The following GPR137C variants were observed in gnomAD, a reference collection of about 807,000 sequenced individuals.
The protein encoded by GPR137C is integral membrane protein GPR137C.
In GPR137C, 27 loss-of-function variants were observed where a neutral mutation model predicts 43.4. The observed-to-expected ratio is 0.62, with a 90% CI of 0.46 to 0.86. The LOEUF is 0.86. GPR137C is among the 40% of genes least tolerant of loss of function. The pLI, the probability that GPR137C is intolerant of heterozygous loss-of-function variation, is 0.00. For missense variants in GPR137C, 522 were observed against 534.6 expected, an observed-to-expected ratio of 0.98 and a Z score of 0.23; for synonymous variants, 285 against 226.9, an observed-to-expected ratio of 1.26 and a Z score of -2.30.
chr14:52,628,688 C>T (rs1372499103), intron 3 of GPR137C, among the ~76,000 whole-genome samples: 3 of 151,934 alleles, frequency 2.0e-5, no homozygotes, highest in African/African-American at 7.3e-5. Flanking sequence ...CCCAGCTACT[C>T]GGGAGGCTGA....
rs183945028 is a variant in GPR137C, at chr14:52,606,352, C to A, written c.717+6011C>A. 3.2e-4 allele frequency among the ~76,000 whole-genome samples: 49 copies of A among 152,112 alleles called. 1 individual carries two copies. Among genetic ancestry groups the A allele is most frequent in the African/African-American group, 1.1e-3 (47 of 41,526 alleles). On this transcript the variant is annotated intron_variant, in intron 3 of 6. Transcript: ENST00000321662. ...AGTTCGTAATAGTCTCTAATGATTT[C>A]TTGTATTTCTGTGGTATCTGTTATA...
chr14:52,577,331 A>G (rs1311679594), intron 1 of GPR137C, among the ~76,000 whole-genome samples: 1 of 152,044 alleles, frequency 6.6e-6, no homozygotes. Flanking sequence ...TCTGGGATAC[A>G]GCAAAAGCAG....
At chr14:52,603,230 A>C (rs1226788802) in intron 3 of GPR137C, among the ~76,000 whole-genome samples, 1 of 152,196 alleles carries the variant, frequency 6.6e-6, no homozygotes, top group Non-Finnish European at 1.5e-5. Context: ...TATTTCACTT[A>C]ACATAATGAA....
chr14:52,572,145 C>G (rs2038480712), intron 1 of GPR137C, among the ~76,000 whole-genome samples: 1 of 152,184 alleles, frequency 6.6e-6, no homozygotes, highest in Non-Finnish European at 1.5e-5. Flanking sequence ...CAGACGGATT[C>G]ACAGCCAAAC....
chr14:52,594,779 A>T (rs953833701), intron 1 of GPR137C, among the ~76,000 whole-genome samples: 1 of 152,086 alleles, frequency 6.6e-6, no homozygotes. Flanking sequence ...CCAGTTTGCC[A>T]GTCTGTGTCT....
chr14:52,599,201 G>A lies in GPR137C; in HGVS notation c.488+886G>A, dbSNP rs1439025962. Among the ~76,000 whole-genome samples, 3 of 152,126 alleles carry A rather than the reference G, an allele frequency of 2.0e-5. No homozygotes were observed. The East Asian group carries it at 5.8e-4, about 29-fold the overall frequency. ...TTAACTGAAGAGTTCTTATGAGGTA[G>A]CCTAAATTTTCTTAGGGGGAAGAGA... is the stretch of plus-strand genomic sequence containing the variant. On this transcript the variant is annotated intron_variant, in intron 2 of 6. Coordinates refer to ENST00000321662, the MANE Select transcript of GPR137C (RefSeq NM_001099652.2).
rs753852584 is a variant in GPR137C, at chr14:52,634,990, A to G, written c.1165A>G (p.Ser389Gly). The G allele has an allele frequency of 6.2e-7, 1 of 1,612,664 alleles. No homozygotes were observed. Among genetic ancestry groups the G allele is most frequent in the East Asian group, 2.2e-5 (1 of 44,854 alleles). The change falls in exon 7 of 7, where the codon AGC becomes GGC. Residue 389 changes from serine (S) to glycine (G), a missense_variant. Coordinates refer to ENST00000321662, the MANE Select transcript of GPR137C (RefSeq NM_001099652.2). ...GTATGGCACCATGACTGGGTGTGGC[A>G]GCAGCAGTTACACAGTCACTCCCCA... ...GWYGTMTGCG[S>G]SSYTVTPHLN...
chr14:52,566,670 T>C (rs1421317177), intron 1 of GPR137C, among the ~76,000 whole-genome samples: 1 of 152,268 alleles, frequency 6.6e-6, no homozygotes, highest in Non-Finnish European at 1.5e-5. Context: ...GAAAAAGTGA[T>C]ATGATTACCT....
chr14:52,583,108 C>G (rs1369390926), intron 1 of GPR137C, among the ~76,000 whole-genome samples: 1 of 151,864 alleles, frequency 6.6e-6, no homozygotes, highest in Non-Finnish European at 1.5e-5. Context: ...TAAGAAAGAG[C>G]TGGAAAGATA....
chr14:52,593,745 C>T (rs149161378), intron 1 of GPR137C, among the ~76,000 whole-genome samples: 18,473 of 151,678 alleles, frequency 0.12, 1,253 homozygotes, highest in Non-Finnish European at 0.15. Flanking sequence ...GTCTTGCTAG[C>T]GGTCTCTCTA....
intron 2 of GPR137C, 118 bp from the exon 3 acceptor site, chr14:52,599,995 C>G (rs897332345): frequency 3.2e-5 from 21 of 664,420 alleles, no homozygotes; most frequent in African/African-American, 2.9e-4. Context: ...AAAATCTATG[C>G]CATTCATAAA....
At chr14:52,615,467 G>GTT (rs200188827) in intron 3 of GPR137C, among the ~76,000 whole-genome samples, 62,086 of 140,182 alleles carry the variant, frequency 0.44, 14,366 homozygotes, top group Middle Eastern at 0.55. Context: ...ACATTTTAGG[G>GTT]TTTTTTTTTT....
intron 3 of GPR137C, chr14:52,611,630 T>C: frequency 1.9e-6 from 1 of 535,170 alleles, no homozygotes; most frequent in Non-Finnish European, 2.4e-6. Context: ...TTTGACTTTT[T>C]AGTATCTTTT....
At chr14:52,594,514 A>G (rs1214978775) in intron 1 of GPR137C, among the ~76,000 whole-genome samples, 1 of 152,146 alleles carries the variant, frequency 6.6e-6, no homozygotes, top group Admixed American at 6.5e-5. Context: ...TATTGGGTGC[A>G]TATATATTTA....
chr14:52,593,667 G>A (rs556671736), intron 1 of GPR137C, among the ~76,000 whole-genome samples: 4 of 152,184 alleles, frequency 2.6e-5, no homozygotes, highest in South Asian at 2.1e-4. Context: ...CTGTGGGATC[G>A]GCGATGATAT....
At chr14:52,561,648 C>A (rs1249418621) in intron 1 of GPR137C, among the ~76,000 whole-genome samples, 3 of 152,094 alleles carry the variant, frequency 2.0e-5, no homozygotes, top group Admixed American at 6.5e-5. Context: ...GTAGTAAAAG[C>A]AAAGGAACAA....
chr14:52,630,299 A>G (rs538775383), intron 3 of GPR137C, among the ~76,000 whole-genome samples: 1 of 152,156 alleles, frequency 6.6e-6, no homozygotes, highest in South Asian at 2.1e-4. Context: ...GACAGTTGTC[A>G]TATTTCCCAA....
chr14:52,575,730 CT>C (rs1235048765), intron 1 of GPR137C, among the ~76,000 whole-genome samples: 1 of 152,176 alleles, frequency 6.6e-6, no homozygotes, highest in African/African-American at 2.4e-5. Context: ...CCCTATGAGC[CT>C]TGAATTAGGA....
rs112566626 is a variant in GPR137C, at chr14:52,553,228, C to T, written c.81C>T (p.Ser27=). The change falls in exon 1 of 7, where the codon AGC becomes AGT. Residue 27 remains serine (S), a synonymous_variant. Transcript: ENST00000321662. ...AGCCCTCCACGCCCGGCGGGGGCAG[C>T]GGAGGCGGAGGCGCCGTCGCTGCAG... The part of the protein sequence containing the change: ...GREPSTPGGG[S]GGGGAVAAAS... The T allele has an allele frequency of 0.067, 85,665 of 1,286,432 alleles. 3,080 individuals carry two copies. The highest frequency in any genetic ancestry group is 0.075 in the Middle Eastern group (255 of 3,394). The allele number at this position is 1,286,432 out of a possible 1,614,324, so 79.7% of individuals were successfully genotyped here. A position where few individuals can be genotyped will look rare whatever the true frequency, so the allele number is the denominator to read the frequency against.
Sources: gnomAD v4.1 joint callset for allele counts (sites outside exome capture counted in the v4.1 genomes callset) on GRCh38, gnomAD v4.1.1 for gene constraint, MANE v1.5 for transcripts, NCBI Gene and HGNC (gene_info 2026-07-23, HGNC 2026-07-21) for gene names.